The following CLIC6 variants were observed in gnomAD, a reference collection of about 807,000 sequenced individuals.
The protein encoded by CLIC6 is chloride intracellular channel protein 6.
Under a neutral mutation model 49.2 loss-of-function variants are expected in CLIC6, and 39 were observed. That is an observed-to-expected ratio of 0.79 (90% CI 0.61 to 1.04). The LOEUF is 1.04. CLIC6 is among the 50% of genes least tolerant of loss of function. CLIC6 has a pLI of 0.00. For missense variants in CLIC6, 988 were observed against 993.1 expected (o/e 0.99, Z 0.07); for synonymous variants, 446 against 433.4 (o/e 1.03, Z -0.36).
At chr21:34,707,441 A>G (rs1333636392) in intron 2 of CLIC6, 52 bp downstream of exon 2, 1 of 602,178 alleles carries the variant, frequency 1.7e-6, no homozygotes, top group Non-Finnish European at 3.0e-6. Context: ...TTCTCTGCAC[A>G]CACACACACA....
intron 1 of CLIC6, among the ~76,000 whole-genome samples, chr21:34,673,021 AT>A (rs1418644403): frequency 6.6e-6 from 1 of 152,120 alleles, no homozygotes; most frequent in Non-Finnish European, 1.5e-5. Flanking sequence ...TATTTTATTT[AT>A]TTTTAGGGAA....
intron 1 of CLIC6, among the ~76,000 whole-genome samples, chr21:34,682,726 G>T (rs924950748): frequency 6.7e-6 from 1 of 150,118 alleles, no homozygotes; most frequent in Non-Finnish European, 1.5e-5. Flanking sequence ...ATCTTTAAAG[G>T]TTGCTTTACT....
At chr21:34,688,398 A>T (rs1463902439) in intron 1 of CLIC6, among the ~76,000 whole-genome samples, 2 of 152,186 alleles carry the variant, frequency 1.3e-5, no homozygotes, top group Admixed American at 1.3e-4. Context: ...AAGACGGAGA[A>T]CGACGGTTCA....
chr21:34,709,736 G>A (rs1242094492), intron 5 of CLIC6, among the ~76,000 whole-genome samples, 198 bp downstream of exon 5: 1 of 152,206 alleles, frequency 6.6e-6, no homozygotes, highest in African/African-American at 2.4e-5. Context: ...CTCAGAAAGT[G>A]CCTGGGAACA....
intron 1 of CLIC6, among the ~76,000 whole-genome samples, chr21:34,691,679 T>G (rs1462631934): frequency 6.6e-6 from 1 of 152,208 alleles, no homozygotes; most frequent in East Asian, 1.9e-4. Context: ...CACTCTACCA[T>G]TGATCTGGTG....
intron 1 of CLIC6, among the ~76,000 whole-genome samples, chr21:34,694,479 G>GTAGTGACAAGT (rs1990057438): frequency 6.6e-6 from 1 of 151,744 alleles, no homozygotes; most frequent in Non-Finnish European, 1.5e-5. Flanking sequence ...GCTATTTTTT[G>GTAGTGACAAGT]TTTGTATTTT....
At chr21:34,698,295 A>T (rs1990124620) in intron 1 of CLIC6, among the ~76,000 whole-genome samples, 1 of 152,224 alleles carries the variant, frequency 6.6e-6, no homozygotes, top group Non-Finnish European at 1.5e-5. Context: ...AGGGAGGCTG[A>T]CACTGTCCTG....
rs2056090181 is a variant in CLIC6 at position 34,716,864 on chromosome 21, AC to A, written c.*383del. The A allele has an allele frequency of 1.3e-5, 1 of 79,112 alleles. No individual in the cohort carries two copies. Among genetic ancestry groups the A allele is most frequent in the African/African-American group, 5.9e-5 (1 of 16,896 alleles). 4.9% of individuals were successfully genotyped at this position (79,112 alleles called of 1,614,324 possible). On this transcript the variant is annotated 3_prime_UTR_variant, in exon 6 of 6. Transcript: ENST00000349499. The stretch of plus-strand genomic sequence containing the variant: ...CTCTCTCTCTCTCTCTCTCTCTATC[AC>A]ACACACACACACACACACACACACA...
intron 1 of CLIC6, among the ~76,000 whole-genome samples, chr21:34,696,821 G>A (rs1024938687): frequency 1.3e-5 from 2 of 152,056 alleles, no homozygotes; most frequent in Admixed American, 1.3e-4. Flanking sequence ...GGCCTCAGGT[G>A]TATTATTTTG....
At chr21:34,701,306 C>T (rs1990185745) in intron 1 of CLIC6, among the ~76,000 whole-genome samples, 1 of 56,608 alleles carries the variant, frequency 1.8e-5, no homozygotes, top group African/African-American at 1.3e-4. Flanking sequence ...GAGGCTCCGT[C>T]TCAAAAAAAA....
rs754284865 is a variant in CLIC6, at chr21:34,708,047, G to C, written c.1588G>C (p.Glu530Gln). The change falls in exon 3 of 6, where the codon GAG becomes CAG. Residue 530 changes from glutamate (E) to glutamine (Q), a missense_variant. This residue lies in a region of CLIC6 where 647 missense variants were observed against 596.9 expected (regional missense o/e 1.08). Transcript: ENST00000349499. ...TGTGAATAAGATCGAGGAGTTCTTA[G>C]AGGAGAAATTAGCTCCCCCGAGGTA... ...TDVNKIEEFL[E>Q]EKLAPPRYPK... 23 of 1,614,046 alleles carry C rather than the reference G, an allele frequency of 1.4e-5. No individual in the cohort carries two copies. Among genetic ancestry groups the C allele is most frequent in the Non-Finnish European group, 1.9e-5 (22 of 1,180,034 alleles).
intron 1 of CLIC6, among the ~76,000 whole-genome samples, chr21:34,676,857 G>A (rs1286896808): frequency 6.6e-6 from 1 of 151,862 alleles, no homozygotes; most frequent in African/African-American, 2.4e-5. Context: ...TATTAGTAAA[G>A]AAAAAGTTTT....
intron 5 of CLIC6, among the ~76,000 whole-genome samples, chr21:34,712,850 C>CTAACCCTAACCG (rs1274702382): frequency 6.9e-5 from 4 of 57,992 alleles, no homozygotes; most frequent in African/African-American, 1.7e-4. Flanking sequence ...GGAGGATGCC[C>CTAACCCTAACCG]TAACCCTAAC....
chr21:34,679,385 CA>C (rs1368222760), intron 1 of CLIC6, among the ~76,000 whole-genome samples: 10 of 152,204 alleles, frequency 6.6e-5, no homozygotes, highest in Non-Finnish European at 1.2e-4. Context: ...TCACACTTGA[CA>C]CTTGGGTATT....
chr21:34,679,995 C>A (rs902131976), intron 1 of CLIC6, among the ~76,000 whole-genome samples: 1 of 152,232 alleles, frequency 6.6e-6, no homozygotes, highest in East Asian at 1.9e-4. Context: ...GACCTATTCT[C>A]ACAGCCCTAC....
chr21:34,677,898 G>A (rs1168734184), intron 1 of CLIC6, among the ~76,000 whole-genome samples: 44 of 152,088 alleles, frequency 2.9e-4, no homozygotes, highest in Non-Finnish European at 4.9e-4. Context: ...TACAACCTAA[G>A]AATGACTTAT....
intron 1 of CLIC6, among the ~76,000 whole-genome samples, chr21:34,682,220 A>G (rs74656004): frequency 0.016 from 2,394 of 152,296 alleles, 66 homozygotes; most frequent in African/African-American, 0.055. Context: ...AGATTTTGAT[A>G]ACCATTACCA....
At chr21:34,676,205 G>A (rs1461597861) in intron 1 of CLIC6, among the ~76,000 whole-genome samples, 2 of 152,196 alleles carry the variant, frequency 1.3e-5, no homozygotes, top group African/African-American at 4.8e-5. Context: ...CTTTAGTCAT[G>A]TGAATGTATT....
At chr21:34,704,863 C>T (rs757727216) in intron 1 of CLIC6, among the ~76,000 whole-genome samples, 4 of 152,120 alleles carry the variant, frequency 2.6e-5, no homozygotes, top group Non-Finnish European at 4.4e-5. Flanking sequence ...CGGAGAGCCC[C>T]GTGCAATATA....
Sources: gnomAD v4.1 joint callset for allele counts (sites outside exome capture counted in the v4.1 genomes callset) on GRCh38, gnomAD v4.1.1 for gene constraint, gnomAD v4.1.1 regional missense constraint, MANE v1.5 for transcripts, NCBI Gene and HGNC (gene_info 2026-07-23, HGNC 2026-07-21) for gene names.